CELSR1: variants seen among roughly 807,000 people sequenced by gnomAD.
CELSR1 encodes cadherin EGF LAG seven-pass G-type receptor 1, also known as adhesion G protein-coupled receptor C1.
A neutral mutation model predicts 249.1 loss-of-function variants in CELSR1; 110 were observed. That is an observed-to-expected ratio of 0.44 (90% confidence interval 0.38 to 0.52). The LOEUF (loss-of-function observed/expected upper bound fraction) is 0.52, where lower values mean the gene tolerates loss of function less well. Ranked by LOEUF, CELSR1 falls within the 20% of genes least tolerant of loss-of-function variation. The probability of loss-of-function intolerance (pLI) is 0.00; values close to 1 mark genes in which losing one functional copy is unlikely to be tolerated. For synonymous variants in CELSR1, 2,113 were observed against 1,900.0 expected (o/e 1.11, Z -2.92); for missense variants, 4,109 against 4,296.4 (o/e 0.96, Z 1.22).
chr22:46,508,854 C>G (rs2080543330), intron 1 of CELSR1, among the ~76,000 whole-genome samples: 1 of 152,320 alleles, frequency 6.6e-6, no homozygotes, highest in South Asian at 2.1e-4. Flanking sequence ...ACCTGGGAAA[C>G]TGGGCCCCGG....
At chr22:46,420,182 A>G (rs2079451011) in intron 5 of CELSR1, among the ~76,000 whole-genome samples, 1 of 150,634 alleles carries the variant, frequency 6.6e-6, no homozygotes, top group African/African-American at 2.5e-5. Context: ...ACTCATTCAT[A>G]CTCACATGTG....
chr22:46,508,097 C>T (rs1020922106), intron 1 of CELSR1, among the ~76,000 whole-genome samples: 23 of 152,318 alleles, frequency 1.5e-4, no homozygotes, highest in African/African-American at 5.5e-4. Flanking sequence ...TAAACCGGCA[C>T]AGCCTGTACA....
At chr22:46,478,361 G>A (rs1161461203) in intron 1 of CELSR1, among the ~76,000 whole-genome samples, 1 of 152,164 alleles carries the variant, frequency 6.6e-6, no homozygotes. Context: ...ATTCCCCAAG[G>A]CAAAGATTAA....
chr22:46,410,427 C>T lies in CELSR1; in HGVS notation c.4904G>A (p.Gly1635Glu), dbSNP rs761750036. The change falls in exon 7 of 35, where the codon GGA becomes GAA. Residue 1635 changes from glycine (G) to glutamate (E), a missense_variant. By Grantham distance (98) the Gly-to-Glu change is moderately conservative. Transcript: ENST00000674500. This position sits in a 1 kb window ranked among gnomAD's most constrained non-coding sequence, Gnocchi z 6.8. Reference protein sequence around the residue: ...SVDGKNVDMAGFIANNGTREG... With the variant: ...SVDGKNVDMAEFIANNGTREG... ...CCGGGTGCCATTGTTGGCGATGAAT[C>T]CGGCCATGTCCACATTTTTGCCGTC... The T allele has an allele frequency of 4.0e-5, 64 of 1,613,908 alleles. No individual in the cohort carries two copies. In the South Asian group the frequency reaches 6.4e-4, roughly 16 times the overall value.
At chr22:46,383,816 G>A (rs2079004296) in intron 20 of CELSR1, among the ~76,000 whole-genome samples, 1 of 152,190 alleles carries the variant, frequency 6.6e-6, no homozygotes. Context: ...ACAGGCATGA[G>A]CCACTGCGCC....
chr22:46,484,774 C>T lies in CELSR1; in HGVS notation c.3545-20429G>A, dbSNP rs781386188. Among the ~76,000 whole-genome samples the T allele has an allele frequency of 2.8e-5, 4 of 144,720 alleles. No individual in the cohort carries two copies. Among genetic ancestry groups the T allele is most frequent in the Non-Finnish European group, 1.5e-5 (1 of 66,596 alleles). The allele number at this position is 144,720 out of a possible 152,430, so 94.9% of individuals were successfully genotyped here. A position where few individuals can be genotyped will look rare whatever the true frequency, so the allele number is the denominator to read the frequency against. ...GCTGCCTGAGGTCTCCAAACACTAC[C>T]GAAGCCCACCTCCAGGAACAAGGAT... On this transcript the variant is annotated intron_variant, in intron 1 of 34. Transcript: ENST00000674500. This position sits in a 1 kb window ranked among gnomAD's most constrained non-coding sequence, Gnocchi z 4.5.
Position 46,391,126 on chromosome 22 carries a change from C to T in CELSR1, c.6250+60G>A. On this transcript the variant is annotated intron_variant, in intron 16 of 34. Transcript: ENST00000674500. The surrounding 1 kb of genome is among the most constrained non-coding windows in gnomAD (Gnocchi z 4.3). Reference sequence around the variant, plus strand: ...CATTCCATGAGTCCCCACATCTCGACTGGCTCCTCCCACAAGGACGCCTGC... The same window carrying T: ...CATTCCATGAGTCCCCACATCTCGATTGGCTCCTCCCACAAGGACGCCTGC... 1 of 1,386,922 alleles carries T rather than the reference C, an allele frequency of 7.2e-7. No homozygotes were observed. The highest frequency in any genetic ancestry group is 1.2e-5 in the South Asian group (1 of 84,704). The allele number at this position is 1,386,922 out of a possible 1,614,324, so 85.9% of individuals were successfully genotyped here.
At chr22:46,442,461 G>A (rs912282285) in intron 2 of CELSR1, among the ~76,000 whole-genome samples, 1 of 151,708 alleles carries the variant, frequency 6.6e-6, no homozygotes, top group Non-Finnish European at 1.5e-5. Context: ...AGGGCAGTCC[G>A]ACCTCCCCTC....
At position 46,463,843 on chromosome 22, in the gene CELSR1, G is replaced by A; in HGVS notation, c.4047C>T (p.Cys1349=). ...CGCCGGTGAAGCCGGGCGGGCAGCG[G>A]CAGCGCAGGCCGTTGATGGGGTGGA... ...RPIHPINGLR[C]RCPPGFTGDY... The change falls in exon 2 of 35, where the codon TGC becomes TGT. Residue 1349 remains cysteine, a synonymous_variant. Transcript: ENST00000674500. 1 of 1,611,956 alleles carries A rather than the reference G, an allele frequency of 6.2e-7. No homozygotes were observed. Among genetic ancestry groups the A allele is most frequent in the Non-Finnish European group, 8.5e-7 (1 of 1,179,096 alleles).
In CELSR1 at chr22:46,440,195, G is replaced by T. The variant is rs9626873; in HGVS notation, c.4184-784C>A. 4.4e-3 allele frequency among the ~76,000 whole-genome samples: 673 copies of T among 152,184 alleles called. 4 individuals are homozygous for T. Among genetic ancestry groups the T allele is most frequent in the African/African-American group, 0.016 (657 of 41,510 alleles). On this transcript the variant is annotated intron_variant, in intron 2 of 34. Coordinates refer to ENST00000674500, the MANE Select transcript of CELSR1 (RefSeq NM_001378328.1). This position sits in a 1 kb window ranked among gnomAD's most constrained non-coding sequence, Gnocchi z 4.7. ...TGCTAAGAACCTCATCTGCTCGGAG[G>T]GTCTCAGTGTTCGCCATGCTTCGAC...
At chr22:46,370,015 T>C (rs930636393) in intron 25 of CELSR1, 2 of 646,324 alleles carry the variant, frequency 3.1e-6, no homozygotes, top group Non-Finnish European at 5.7e-6. Context: ...TGGCAGGAGC[T>C]GCTCCTGGAT....
intron 1 of CELSR1, among the ~76,000 whole-genome samples, chr22:46,513,328 G>A (rs906363360): frequency 6.6e-6 from 1 of 152,084 alleles, no homozygotes; most frequent in African/African-American, 2.4e-5. Flanking sequence ...TGTGCAAGAG[G>A]ATTAAAAATA....
At chr22:46,525,449 C>CCA (rs71315163) in intron 1 of CELSR1, among the ~76,000 whole-genome samples, 3 of 146,386 alleles carry the variant, frequency 2.0e-5, no homozygotes, top group Non-Finnish European at 3.0e-5. Context: ...AACTCTGTCT[C>CCA]AAAAAAAAAA....
In CELSR1 at chr22:46,438,157, A is replaced by C. The variant is rs1172471388; in HGVS notation, c.4406+1032T>G. Among the ~76,000 whole-genome samples, 5 of 152,040 alleles carry C rather than the reference A, an allele frequency of 3.3e-5. No homozygotes were observed. In the East Asian group the frequency reaches 9.6e-4, roughly 29 times the overall value. Reference sequence around the variant, plus strand: ...ACAATGCAAGCAAAAAGCAAAAAAAAGGAGAGGCCAGAAAACAGAAACCAA... The same window carrying C: ...ACAATGCAAGCAAAAAGCAAAAAAACGGAGAGGCCAGAAAACAGAAACCAA... On this transcript the variant is annotated intron_variant, in intron 3 of 34. Coordinates refer to ENST00000674500, the MANE Select transcript of CELSR1 (RefSeq NM_001378328.1).
intron 18 of CELSR1, among the ~76,000 whole-genome samples, chr22:46,388,971 T>C (rs559361125): frequency 6.6e-6 from 1 of 152,338 alleles, no homozygotes; most frequent in Non-Finnish European, 1.5e-5. Context: ...CATCACAGGC[T>C]GCATGGAAGG....
intron 1 of CELSR1, among the ~76,000 whole-genome samples, chr22:46,482,898 G>C (rs1161676323): frequency 1.3e-5 from 2 of 152,170 alleles, no homozygotes; most frequent in African/African-American, 4.8e-5. Context: ...GCATGGAGCA[G>C]ACCAACAGAC....
At chr22:46,366,215 G>GGA (rs2078777756) in intron 30 of CELSR1, among the ~76,000 whole-genome samples, 171 bp downstream of exon 30, 2 of 90,226 alleles carry the variant, frequency 2.2e-5, no homozygotes, top group Non-Finnish European at 4.2e-5. Flanking sequence ...GCGAGGCGGG[G>GGA]AGGGAAGGTG....
In CELSR1 at chr22:46,526,575, C is replaced by A. The variant is rs1476567769; in HGVS notation, c.3544+7052G>T. ...CTTGGCTAACCCATCACATCTCTGTCCCCAGGCTCTCCAACCGCCAGACGG... is the reference window on the plus strand; with the variant it reads ...CTTGGCTAACCCATCACATCTCTGTACCCAGGCTCTCCAACCGCCAGACGG... On this transcript the variant is annotated intron_variant, in intron 1 of 34. Coordinates refer to ENST00000674500, the MANE Select transcript of CELSR1 (RefSeq NM_001378328.1). This position sits in a 1 kb window ranked among gnomAD's most constrained non-coding sequence, Gnocchi z 4.7. 6.6e-6 allele frequency among the ~76,000 whole-genome samples: 1 copy of A among 152,224 alleles called. No homozygotes were observed. Among genetic ancestry groups the A allele is most frequent in the Non-Finnish European group, 1.5e-5 (1 of 68,044 alleles).
chr22:46,396,832 G>A lies in CELSR1; in HGVS notation c.5702-86C>T, dbSNP rs2079153257. On this transcript the variant is annotated intron_variant, in intron 12 of 34. Coordinates refer to ENST00000674500, the MANE Select transcript of CELSR1 (RefSeq NM_001378328.1). The surrounding 1 kb of genome is among the most constrained non-coding windows in gnomAD (Gnocchi z 6.4). ...TATCTGGAGCAACCTGTCCCCTCCA[G>A]AAGATCTGACTTTCCCTGGTACTCA... 1.3e-6 allele frequency: 2 copies of A among 1,526,962 alleles called. No individual in the cohort carries two copies. Among genetic ancestry groups the A allele is most frequent in the South Asian group, 2.4e-5 (2 of 82,230 alleles). 94.6% of individuals were successfully genotyped at this position (1,526,962 alleles called of 1,614,324 possible).
Sources: gnomAD v4.1 joint callset for allele counts (sites outside exome capture counted in the v4.1 genomes callset) on GRCh38, gnomAD v4.1.1 for gene constraint, Gnocchi (gnomAD v3.1) non-coding constraint, MANE v1.5 for transcripts, NCBI Gene and HGNC (gene_info 2026-07-23, HGNC 2026-07-21) for gene names.